The following MACROD2 variants were observed in gnomAD, a reference collection of about 807,000 sequenced individuals.
MACROD2 encodes the protein ADP-ribose glycohydrolase MACROD2.
In MACROD2, 36 loss-of-function variants were observed where a neutral mutation model predicts 70.4. That is an observed-to-expected ratio of 0.51 (90% CI 0.39 to 0.68). The LOEUF (loss-of-function observed/expected upper bound fraction) is 0.68. MACROD2 is among the 30% of genes least tolerant of loss of function. The pLI is 0.00. For synonymous variants in MACROD2, 172 were observed against 178.8 expected, an observed-to-expected ratio of 0.96 and a Z score of 0.30; for missense variants, 496 against 538.4, an observed-to-expected ratio of 0.92 and a Z score of 0.78.
At chr20:14,766,673 A>G (rs1000000114) in intron 5 of MACROD2, among the ~76,000 whole-genome samples, 5 of 152,186 alleles carry the variant, frequency 3.3e-5, no homozygotes, top group African/African-American at 1.2e-4. Flanking sequence ...TGAAGACAAC[A>G]TATTCAAAAT....
intron 5 of MACROD2, among the ~76,000 whole-genome samples, chr20:15,149,494 G>A (rs369096830): frequency 0.011 from 1,734 of 152,034 alleles, 42 homozygotes; most frequent in African/African-American, 0.039. Flanking sequence ...GTGGGAGGTC[G>A]GATTGAAGTC....
intron 8 of MACROD2, among the ~76,000 whole-genome samples, chr20:15,619,133 G>A (rs1237346427): frequency 6.6e-6 from 1 of 152,200 alleles, no homozygotes; most frequent in Admixed American, 6.5e-5. Flanking sequence ...AGTTTAGGGA[G>A]GGTGAGAATC....
intron 5 of MACROD2, among the ~76,000 whole-genome samples, chr20:14,818,447 A>G (rs2072798703): frequency 6.6e-6 from 1 of 152,060 alleles, no homozygotes. Context: ...ATGCATTCAT[A>G]TAGAAAAGGG....
At chr20:15,607,240 A>G (rs183562700) in intron 8 of MACROD2, among the ~76,000 whole-genome samples, 1 of 152,316 alleles carries the variant, frequency 6.6e-6, no homozygotes, top group East Asian at 1.9e-4. Context: ...CTGAGTTGAA[A>G]CTAGGGCCCA....
At chr20:15,341,264 C>T (rs1358625889) in intron 6 of MACROD2, among the ~76,000 whole-genome samples, 1 of 151,998 alleles carries the variant, frequency 6.6e-6, no homozygotes, top group African/African-American at 2.4e-5. Context: ...TTTATTATTG[C>T]TCACAAAATA....
At chr20:15,443,817 G>A (rs1285232208) in intron 7 of MACROD2, among the ~76,000 whole-genome samples, 2 of 152,104 alleles carry the variant, frequency 1.3e-5, no homozygotes, top group Non-Finnish European at 2.9e-5. Context: ...CCACTCTAGA[G>A]ATCATACTCT....
chr20:15,316,639 T>C (rs546440758), intron 6 of MACROD2, among the ~76,000 whole-genome samples: 2 of 152,158 alleles, frequency 1.3e-5, no homozygotes, highest in East Asian at 3.9e-4. Context: ...GATAGAACAC[T>C]GAAATGGAGA....
At chr20:14,359,414 C>T (rs1249026541) in intron 3 of MACROD2, among the ~76,000 whole-genome samples, 1 of 151,954 alleles carries the variant, frequency 6.6e-6, no homozygotes, top group Non-Finnish European at 1.5e-5. Context: ...ATGGAGATTC[C>T]TCAAAATATT....
At chr20:14,118,957 T>A (rs1428917452) in intron 3 of MACROD2, among the ~76,000 whole-genome samples, 1 of 151,064 alleles carries the variant, frequency 6.6e-6, no homozygotes, top group African/African-American at 2.4e-5. Context: ...GCAATTCTCC[T>A]GCCTCAGCCT....
chr20:14,769,017 T>C (rs2072130055), intron 5 of MACROD2, among the ~76,000 whole-genome samples: 1 of 152,070 alleles, frequency 6.6e-6, no homozygotes, highest in Admixed American at 6.5e-5. Context: ...CTTAATCTAT[T>C]ATTAATAGTG....
chr20:15,786,273 A>G (rs1360498402), intron 8 of MACROD2, among the ~76,000 whole-genome samples: 2 of 152,106 alleles, frequency 1.3e-5, no homozygotes, highest in Admixed American at 1.3e-4. Flanking sequence ...AACAAGTGGA[A>G]GAGAAAAAAT....
chr20:14,512,330 T>C (rs373889842), intron 4 of MACROD2, among the ~76,000 whole-genome samples: 1 of 59,804 alleles, frequency 1.7e-5, no homozygotes, highest in Non-Finnish European at 3.1e-5. Flanking sequence ...GAATTCGTAG[T>C]ATGGGAGTTT....
At chr20:14,440,867 T>A (rs1369194854) in intron 3 of MACROD2, among the ~76,000 whole-genome samples, 2 of 151,836 alleles carry the variant, frequency 1.3e-5, no homozygotes, top group Non-Finnish European at 2.9e-5. Flanking sequence ...TTCCATAGAG[T>A]ACCTTTGTGA....
At chr20:15,739,595 G>T (rs2051075153) in intron 8 of MACROD2, among the ~76,000 whole-genome samples, 1 of 152,158 alleles carries the variant, frequency 6.6e-6, no homozygotes, top group African/African-American at 2.4e-5. Flanking sequence ...GTTAATCTTA[G>T]TAAGGACATT....
chr20:15,913,041 T>G (rs2147271038), intron 10 of MACROD2, among the ~76,000 whole-genome samples: 1 of 152,316 alleles, frequency 6.6e-6, no homozygotes, highest in Non-Finnish European at 1.5e-5. Context: ...AAAATGGGAA[T>G]AAATTCTTAC....
At chr20:14,146,887 A>G (rs1351560422) in intron 3 of MACROD2, among the ~76,000 whole-genome samples, 1 of 152,218 alleles carries the variant, frequency 6.6e-6, no homozygotes, top group Non-Finnish European at 1.5e-5. Context: ...CATCTATCAC[A>G]GTCACTTGGA....
intron 5 of MACROD2, among the ~76,000 whole-genome samples, chr20:14,722,764 C>A (rs1339928836): frequency 6.6e-6 from 1 of 152,046 alleles, no homozygotes; most frequent in African/African-American, 2.4e-5. Context: ...TAATAAAATT[C>A]TTTAAACAAA....
chr20:15,139,605 G>A (rs1220113379), intron 5 of MACROD2, among the ~76,000 whole-genome samples: 1 of 151,936 alleles, frequency 6.6e-6, no homozygotes, highest in Non-Finnish European at 1.5e-5. Flanking sequence ...TCATTTTTTG[G>A]GTTCCAAACA....
chr20:14,484,066 C>T (rs1335562788), intron 3 of MACROD2, among the ~76,000 whole-genome samples: 4 of 152,146 alleles, frequency 2.6e-5, no homozygotes, highest in African/African-American at 9.7e-5. Flanking sequence ...ACTGAAATCT[C>T]ATCTAACATA....
Sources: allele counts gnomAD v4.1 joint callset (sites outside exome capture counted in the v4.1 genomes callset), GRCh38; gene constraint gnomAD v4.1.1; transcripts MANE v1.5; gene names NCBI Gene and HGNC (gene_info 2026-07-23, HGNC 2026-07-21).